Variants in SATB1 observed in about 807,000 individuals in gnomAD.
SATB1 encodes DNA-binding protein SATB1.
A neutral mutation model predicts 86.9 loss-of-function variants in SATB1; 11 were observed. The observed-to-expected ratio is 0.13, with a 90% CI of 0.08 to 0.21. The LOEUF (loss-of-function observed/expected upper bound fraction) is 0.21. SATB1 is among the 10% of genes least tolerant of loss of function. The pLI, the probability that SATB1 is intolerant of heterozygous loss-of-function variation, is 1.00. For synonymous variants in SATB1, 357 were observed against 357.2 expected, an observed-to-expected ratio of 1.00 and a Z score of 0.01; for missense variants, 551 against 937.6, an observed-to-expected ratio of 0.59 and a Z score of 5.39.
In SATB1 at chr3:18,346,818, A is replaced by C. The variant is rs897452883; in HGVS notation, c.*2352T>G. On this transcript the variant is annotated 3_prime_UTR_variant, in exon 11 of 11. Coordinates refer to ENST00000338745, the MANE Select transcript of SATB1 (RefSeq NM_002971.6). ...AACCCAAACTTAGGGGATATAAGGA[A>C]GAGGAAGATAACTTCATGGCATTTG... The C allele has an allele frequency of 1.3e-5, 2 of 152,160 alleles. No homozygotes were observed. The highest frequency in any genetic ancestry group is 2.9e-5 in the Non-Finnish European group (2 of 67,998). 9.4% of individuals were successfully genotyped at this position (152,160 alleles called of 1,614,324 possible).
intron 2 of SATB1, among the ~76,000 whole-genome samples, chr3:18,434,243 A>T (rs1360093125): frequency 6.6e-6 from 1 of 152,086 alleles, no homozygotes; most frequent in Non-Finnish European, 1.5e-5. Flanking sequence ...TGTCACTAAA[A>T]ATTTACAACA....
intron 2 of SATB1, among the ~76,000 whole-genome samples, chr3:18,432,716 G>A (rs556042570): frequency 6.6e-6 from 1 of 151,650 alleles, no homozygotes; most frequent in Non-Finnish European, 1.5e-5. Context: ...ACAACAGTGT[G>A]TATGTAATTA....
At chr3:18,367,108 A>G (rs1211845318) in intron 9 of SATB1, among the ~76,000 whole-genome samples, 2 of 152,156 alleles carry the variant, frequency 1.3e-5, no homozygotes, top group African/African-American at 2.4e-5. Flanking sequence ...CTTGCCTGGG[A>G]CTACACAGCA....
At chr3:18,437,843 T>A (rs916324991) in intron 1 of SATB1, among the ~76,000 whole-genome samples, 3 of 152,186 alleles carry the variant, frequency 2.0e-5, no homozygotes, top group South Asian at 2.1e-4. Context: ...ATAGATTTTT[T>A]AAAAATTTAA....
In SATB1 at chr3:18,444,731, C is replaced by A; in HGVS notation, c.-25+787G>T. On this transcript the variant is annotated intron_variant, in intron 1 of 3. Coordinates refer to the SATB1 transcript ENST00000415069. This position sits in a 1 kb window ranked among gnomAD's most constrained non-coding sequence, Gnocchi z 5.1. The stretch of plus-strand genomic sequence containing the variant: ...GCGGCTTCTGCCTCTCCTGCCGCCG[C>A]CGCCGCCGCCGGAGCTGCGGCTGCC... 1 of 830,848 alleles carries A rather than the reference C, an allele frequency of 1.2e-6. No homozygotes were observed. The highest frequency in any genetic ancestry group is 1.5e-6 in the Non-Finnish European group (1 of 689,312). 51.5% of individuals were successfully genotyped at this position (830,848 alleles called of 1,614,324 possible).
chr3:18,396,374 A>G (rs1019474350), intron 6 of SATB1, among the ~76,000 whole-genome samples: 12 of 152,292 alleles, frequency 7.9e-5, no homozygotes, highest in Admixed American at 5.9e-4. Flanking sequence ...ATTTTAAAAT[A>G]TATGTTTTGG....
intron 8 of SATB1, among the ~76,000 whole-genome samples, chr3:18,384,749 A>T (rs1337791115): frequency 1.3e-5 from 2 of 152,150 alleles, no homozygotes; most frequent in African/African-American, 4.8e-5. Flanking sequence ...CTTAGAAGTC[A>T]TATTTTTTAT....
intron 2 of SATB1, among the ~76,000 whole-genome samples, chr3:18,431,169 G>T (rs1698878794): frequency 6.6e-6 from 1 of 152,130 alleles, no homozygotes; most frequent in Non-Finnish European, 1.5e-5. Flanking sequence ...AAGGATTCTT[G>T]AAATTGCCCT....
intron 8 of SATB1, among the ~76,000 whole-genome samples, chr3:18,379,893 C>T (rs1048055946): frequency 2.6e-5 from 4 of 152,270 alleles, no homozygotes; most frequent in South Asian, 2.1e-4. Context: ...AGTTCCCCTT[C>T]TAGCTTTGCC....
intron 8 of SATB1, among the ~76,000 whole-genome samples, chr3:18,382,946 T>G (rs547870270): frequency 2.5e-4 from 38 of 152,352 alleles, no homozygotes; most frequent in African/African-American, 8.9e-4. Flanking sequence ...GGTTTTCTCA[T>G]TTTTCTTCTA....
At chr3:18,399,305 C>A (rs1371930579) in intron 5 of SATB1, among the ~76,000 whole-genome samples, 3 of 152,114 alleles carry the variant, frequency 2.0e-5, no homozygotes, top group Non-Finnish European at 1.5e-5. Flanking sequence ...GGCAGACAGC[C>A]TCTGCCTACA....
At chr3:18,401,062 G>A (rs1350970703) in intron 5 of SATB1, among the ~76,000 whole-genome samples, 1 of 152,160 alleles carries the variant, frequency 6.6e-6, no homozygotes. Flanking sequence ...TCAGGATACA[G>A]CCTGGGCATC....
At chr3:18,402,314 T>G (rs1467694722) in intron 5 of SATB1, among the ~76,000 whole-genome samples, 1 of 152,086 alleles carries the variant, frequency 6.6e-6, no homozygotes, top group Non-Finnish European at 1.5e-5. Context: ...CCCTTAAAAT[T>G]GCTTTGTTGT....
chr3:18,345,964 C>A lies in SATB1; in HGVS notation c.*3206G>T, dbSNP rs1388544977. ...CATCTGAGAATGTTTTCTATTCAAG[C>A]CAGTATTTTTAGATAAACACAGATA... On this transcript the variant is annotated 3_prime_UTR_variant, in exon 11 of 11. Coordinates refer to ENST00000338745, the MANE Select transcript of SATB1 (RefSeq NM_002971.6). 6.6e-6 allele frequency: 1 copy of A among 152,012 alleles called. No homozygotes were observed. Among genetic ancestry groups the A allele is most frequent in the Non-Finnish European group, 1.5e-5 (1 of 67,962 alleles). The allele number at this position is 152,012 out of a possible 1,614,324, so 9.4% of individuals were successfully genotyped here. A position where few individuals can be genotyped will look rare whatever the true frequency, so the allele number is the denominator to read the frequency against.
chr3:18,406,969 G>C (rs1184726351), intron 5 of SATB1, among the ~76,000 whole-genome samples: 9 of 152,050 alleles, frequency 5.9e-5, no homozygotes, highest in African/African-American at 2.2e-4. Flanking sequence ...ATCTATGACA[G>C]TGATGAATAC....
chr3:18,400,357 A>G (rs184068739), intron 5 of SATB1, among the ~76,000 whole-genome samples: 436 of 152,326 alleles, frequency 2.9e-3, no homozygotes, highest in Non-Finnish European at 3.2e-3. Flanking sequence ...GACAAAACAG[A>G]ATAGAAATAA....
exon 1 of SATB1, chr3:18,445,547 C>T: frequency 1.0e-6 from 1 of 984,982 alleles, no homozygotes; most frequent in Non-Finnish European, 1.2e-6. Context: ...ACGCGCACTC[C>T]TCCTCTTGTC....
intron 2 of SATB1, chr3:18,436,645 A>C (rs1699071954): frequency 6.6e-6 from 1 of 152,152 alleles, no homozygotes; most frequent in East Asian, 1.9e-4. Context: ...CACAAGCTAC[A>C]TTTTATATTT....
intron 5 of SATB1, 30 bp from the exon 6 acceptor site, chr3:18,397,320 AAT>A: frequency 8.4e-7 from 1 of 1,193,362 alleles, no homozygotes; most frequent in Non-Finnish European, 1.3e-6. Flanking sequence ...GAATATTTGT[AAT>A]ACACAGCAGC....
Sources: gnomAD v4.1 joint callset for allele counts (sites outside exome capture counted in the v4.1 genomes callset) on GRCh38, gnomAD v4.1.1 for gene constraint, Gnocchi (gnomAD v3.1) non-coding constraint, MANE v1.5 for transcripts, NCBI Gene and HGNC (gene_info 2026-07-23, HGNC 2026-07-21) for gene names.